CDKAL1: variants seen among roughly 807,000 people sequenced by gnomAD.
The protein encoded by CDKAL1 is CDKAL1 threonylcarbamoyladenosine tRNA methylthiotransferase.
Under a neutral mutation model 68.2 loss-of-function variants are expected in CDKAL1, and 32 were observed. The ratio of observed to expected loss-of-function variants is 0.47; its 90% confidence interval spans 0.35 to 0.63. The LOEUF (loss-of-function observed/expected upper bound fraction) is 0.63, where lower values mean the gene tolerates loss of function less well. CDKAL1 is among the 30% of genes least tolerant of loss of function. CDKAL1 has a pLI of 0.00. For synonymous variants in CDKAL1, 234 were observed against 244.3 expected (o/e 0.96, Z 0.39); for missense variants, 606 against 696.7 (o/e 0.87, Z 1.47).
intron 4 of CDKAL1, among the ~76,000 whole-genome samples, chr6:20,605,414 T>C (rs959566069): frequency 6.6e-6 from 1 of 152,232 alleles, no homozygotes; most frequent in South Asian, 2.1e-4. Flanking sequence ...TAATAACTTT[T>C]TAATGATTTA....
At chr6:20,654,951 TTG>T (rs1396849957) in intron 5 of CDKAL1, among the ~76,000 whole-genome samples, 5 of 152,202 alleles carry the variant, frequency 3.3e-5, no homozygotes, top group African/African-American at 9.6e-5. Context: ...AGGAATACTG[TTG>T]TGTGTTTGTG....
At chr6:20,910,515 T>C (rs1762422337) in intron 9 of CDKAL1, among the ~76,000 whole-genome samples, 1 of 152,206 alleles carries the variant, frequency 6.6e-6, no homozygotes, top group Non-Finnish European at 1.5e-5. Flanking sequence ...TTCAAATTTG[T>C]TACCTGGGGC....
At chr6:21,021,275 A>C (rs1322246874) in intron 11 of CDKAL1, among the ~76,000 whole-genome samples, 1 of 152,054 alleles carries the variant, frequency 6.6e-6, no homozygotes, top group Non-Finnish European at 1.5e-5. Context: ...TTTTTTTGAG[A>C]ATTGAGATAA....
At chr6:20,728,674 T>G (rs1772765339) in intron 5 of CDKAL1, among the ~76,000 whole-genome samples, 1 of 152,156 alleles carries the variant, frequency 6.6e-6, no homozygotes, top group African/African-American at 2.4e-5. Flanking sequence ...TCCTCTTTCA[T>G]AAAACGAAAT....
chr6:20,875,691 G>A (rs1231578078), intron 9 of CDKAL1, among the ~76,000 whole-genome samples: 2 of 151,726 alleles, frequency 1.3e-5, no homozygotes, highest in African/African-American at 4.9e-5. Context: ...AAAAAAATAG[G>A]GTCTGTAAAG....
intron 6 of CDKAL1, chr6:20,756,898 T>TCTCC (rs1211673093): frequency 9.8e-6 from 1 of 102,294 alleles, no homozygotes; most frequent in African/African-American, 3.6e-5. Flanking sequence ...CTTCCTTCCT[T>TCTCC]CCTTCCTTCC....
intron 12 of CDKAL1, among the ~76,000 whole-genome samples, chr6:21,107,594 ATTT>A (rs796184665): frequency 6.0e-5 from 9 of 150,722 alleles, no homozygotes; most frequent in African/African-American, 1.9e-4. Flanking sequence ...CACCCAGCTA[ATTT>A]TTTTTTGTAT....
At chr6:20,627,843 A>G (rs1368194229) in intron 4 of CDKAL1, among the ~76,000 whole-genome samples, 3 of 152,102 alleles carry the variant, frequency 2.0e-5, no homozygotes, top group African/African-American at 7.2e-5. Flanking sequence ...TTTCTTTGGC[A>G]CAAAGAAGTA....
At chr6:20,981,106 CAGG>C (rs1007296292) in intron 10 of CDKAL1, among the ~76,000 whole-genome samples, 1 of 152,108 alleles carries the variant, frequency 6.6e-6, no homozygotes, top group African/African-American at 2.4e-5. Flanking sequence ...GGTAACTGAG[CAGG>C]AGGAGGCTGT....
chr6:21,022,588 C>T (rs1768726280), intron 11 of CDKAL1, among the ~76,000 whole-genome samples: 1 of 152,146 alleles, frequency 6.6e-6, no homozygotes, highest in Non-Finnish European at 1.5e-5. Context: ...TACCAGTAAA[C>T]TCTGCTCCTT....
intron 9 of CDKAL1, among the ~76,000 whole-genome samples, chr6:20,880,275 G>A (rs893136244): frequency 6.7e-6 from 1 of 150,342 alleles, no homozygotes; most frequent in Non-Finnish European, 1.5e-5. Flanking sequence ...GCTTTTTTTC[G>A]AGATGGAATC....
intron 10 of CDKAL1, among the ~76,000 whole-genome samples, chr6:20,989,065 G>A (rs1766650937): frequency 6.6e-6 from 1 of 151,898 alleles, no homozygotes; most frequent in South Asian, 2.1e-4. Flanking sequence ...ATAGGCAGGG[G>A]TTATACTACT....
At chr6:20,643,400 C>T (rs1768281156) in intron 4 of CDKAL1, among the ~76,000 whole-genome samples, 1 of 152,190 alleles carries the variant, frequency 6.6e-6, no homozygotes, top group Non-Finnish European at 1.5e-5. Context: ...ATTTATTCCA[C>T]CTCCACTTAT....
intron 6 of CDKAL1, chr6:20,756,079 C>T (rs1774157425): frequency 6.6e-6 from 1 of 152,158 alleles, no homozygotes; most frequent in Non-Finnish European, 1.5e-5. Flanking sequence ...TGGCCCTTTT[C>T]TCACTCTGAC....
chr6:21,065,935 T>G (rs1402967708), intron 12 of CDKAL1, among the ~76,000 whole-genome samples: 2 of 151,848 alleles, frequency 1.3e-5, no homozygotes, highest in Non-Finnish European at 2.9e-5. Flanking sequence ...ATTTTCTACT[T>G]TGTTTCTAAT....
intron 12 of CDKAL1, among the ~76,000 whole-genome samples, chr6:21,082,999 AAGTAGCTG>A (rs1772491477): frequency 6.7e-6 from 1 of 148,770 alleles, no homozygotes; most frequent in Non-Finnish European, 1.5e-5. Flanking sequence ...TCAGCCTCCC[AAGTAGCTG>A]GGACTACAGG....
intron 13 of CDKAL1, among the ~76,000 whole-genome samples, chr6:21,196,910 C>T (rs1242811371): frequency 3.3e-5 from 5 of 152,146 alleles, no homozygotes; most frequent in African/African-American, 1.2e-4. Context: ...GAAATCCCAG[C>T]ACTTTGGGAT....
intron 13 of CDKAL1, among the ~76,000 whole-genome samples, chr6:21,175,233 G>A (rs1777533325): frequency 6.6e-6 from 1 of 152,172 alleles, no homozygotes; most frequent in Non-Finnish European, 1.5e-5. Context: ...CTTAGGTATG[G>A]CAATACATTG....
Position 20,992,028 on chromosome 6 carries a change from TTTC to T in CDKAL1, c.910-8196_910-8194del, listed in dbSNP as rs1398258538. Among the ~76,000 whole-genome samples, 150 of 81,564 alleles carry T rather than the reference TTTC, an allele frequency of 1.8e-3. 1 individual carries two copies. The highest frequency in any genetic ancestry group is 4.8e-3 in the African/African-American group (144 of 29,994). The allele number at this position is 81,564 out of a possible 152,430, so 53.5% of individuals were successfully genotyped here. On this transcript the variant is annotated intron_variant, in intron 10 of 15. Coordinates refer to ENST00000274695, the MANE Select transcript of CDKAL1 (RefSeq NM_017774.3). ...ACTTTTCCCCCACCTTTTTTTTTCT[TTTC>T]TTTTTTTTTTTTTTTTTTTTTTGAG...
Sources: gnomAD v4.1 joint callset for allele counts (sites outside exome capture counted in the v4.1 genomes callset) on GRCh38, gnomAD v4.1.1 for gene constraint, MANE v1.5 for transcripts, NCBI Gene and HGNC (gene_info 2026-07-23, HGNC 2026-07-21) for gene names.